Variants in GNAO1 observed in about 807,000 individuals in gnomAD.
The protein encoded by GNAO1 is guanine nucleotide-binding protein G(o) subunit alpha.
For missense variants in GNAO1, 166 were observed against 478.7 expected, an observed-to-expected ratio of 0.35 and a Z score of 6.10; for synonymous variants, 164 against 180.7, an observed-to-expected ratio of 0.91 and a Z score of 0.74.
intron 2 of GNAO1, among the ~76,000 whole-genome samples, chr16:56,198,378 C>T (rs1228567306): frequency 1.3e-5 from 2 of 152,198 alleles, no homozygotes; most frequent in Admixed American, 6.5e-5. Context: ...GTGATTAGCA[C>T]TGAGGGGAAG....
chr16:56,222,719 T>C (rs1596805866), intron 2 of GNAO1, among the ~76,000 whole-genome samples: 1 of 151,808 alleles, frequency 6.6e-6, no homozygotes, highest in Non-Finnish European at 1.5e-5. Flanking sequence ...AGAAATGGAG[T>C]GAGCCGAGGA....
chr16:56,236,020 T>A (rs1295175904), intron 2 of GNAO1, among the ~76,000 whole-genome samples: 2 of 152,194 alleles, frequency 1.3e-5, no homozygotes, highest in Non-Finnish European at 2.9e-5. Flanking sequence ...ATAGCCTATT[T>A]TGACTTGGAG....
chr16:56,342,964 T>C (rs2037820186), intron 6 of GNAO1, among the ~76,000 whole-genome samples: 1 of 149,970 alleles, frequency 6.7e-6, no homozygotes, highest in South Asian at 2.1e-4. Flanking sequence ...AATGCAAAAA[T>C]TAGTGGGGCG....
chr16:56,290,029 G>C (rs1358053797), intron 3 of GNAO1, among the ~76,000 whole-genome samples: 4 of 152,196 alleles, frequency 2.6e-5, no homozygotes, highest in Admixed American at 1.3e-4. Context: ...GATAAAGCCA[G>C]CCTTATCTCC....
At chr16:56,278,960 G>C (rs2037089541) in intron 3 of GNAO1, among the ~76,000 whole-genome samples, 1 of 152,146 alleles carries the variant, frequency 6.6e-6, no homozygotes, top group Non-Finnish European at 1.5e-5. Context: ...CCACCTAGGG[G>C]ATCTGCCATT....
At chr16:56,196,728 CTAGCT>C (rs1454622382) in intron 2 of GNAO1, among the ~76,000 whole-genome samples, 1 of 152,206 alleles carries the variant, frequency 6.6e-6, no homozygotes, top group Non-Finnish European at 1.5e-5. Flanking sequence ...GCATTGCATG[CTAGCT>C]GGTAGTCTTT....
chr16:56,256,718 CTGTGTGTGTGTGTG>C (rs199786327), intron 2 of GNAO1, among the ~76,000 whole-genome samples: 2,340 of 72,192 alleles, frequency 0.032, 78 homozygotes, highest in African/African-American at 0.081. Flanking sequence ...CTCTCTCTCT[CTGTGTGTGTGTGTG>C]TGTGTGTGTG....
Position 56,348,014 on chromosome 16 carries a change from C to T in GNAO1, c.724-3370C>T, listed in dbSNP as rs1039057269. 5.2e-5 allele frequency: 51 copies of T among 980,660 alleles called. No homozygotes were observed. In the African/African-American group the frequency reaches 7.4e-4, roughly 14 times the overall value. The allele number at this position is 980,660 out of a possible 1,614,324, so 60.7% of individuals were successfully genotyped here. A position where few individuals can be genotyped will look rare whatever the true frequency, so the allele number is the denominator to read the frequency against. ...CGTCCCAGGCCCTCCTTAGAAAAGCCGTCTCTCTCGAGTGCAGTGGTCCCA... is the reference window on the plus strand; with the variant it reads ...CGTCCCAGGCCCTCCTTAGAAAAGCTGTCTCTCTCGAGTGCAGTGGTCCCA... On this transcript the variant is annotated intron_variant, in intron 6 of 8. Coordinates refer to ENST00000262493, the MANE Select transcript of GNAO1 (RefSeq NM_020988.3).
intron 6 of GNAO1, among the ~76,000 whole-genome samples, chr16:56,350,775 G>T (rs11076152): frequency 0.036 from 5,474 of 152,116 alleles, 134 homozygotes; most frequent in Non-Finnish European, 0.054. Context: ...GGAAGGGCCC[G>T]GAGTCTCTCA....
intron 2 of GNAO1, among the ~76,000 whole-genome samples, chr16:56,238,765 T>C (rs1348660925): frequency 6.6e-6 from 1 of 152,240 alleles, no homozygotes; most frequent in Non-Finnish European, 1.5e-5. Flanking sequence ...TTCTCATAGA[T>C]AATGTAGGAT....
Position 56,256,972 on chromosome 16 carries a change from G to T in GNAO1, c.162-18959G>T, listed in dbSNP as rs2045923. Among the ~76,000 whole-genome samples the T allele has an allele frequency of 1.3e-3, 196 of 152,270 alleles. No homozygotes were observed. The East Asian group carries it at 0.023, about 18-fold the overall frequency. Reference sequence around the variant, plus strand: ...ACAGTGTTTGAGAATGTTGAATCCCGTGGTGGGAAAGTTGTTTGTTCAGTT... The same window carrying T: ...ACAGTGTTTGAGAATGTTGAATCCCTTGGTGGGAAAGTTGTTTGTTCAGTT... On this transcript the variant is annotated intron_variant, in intron 2 of 8. Transcript: ENST00000262493.
chr16:56,206,534 G>A (rs2036330764), intron 2 of GNAO1, among the ~76,000 whole-genome samples: 1 of 152,090 alleles, frequency 6.6e-6, no homozygotes, highest in East Asian at 1.9e-4. Flanking sequence ...AATTGGGTGT[G>A]GATGGAGCTT....
At chr16:56,298,784 G>A (rs566722099) in intron 3 of GNAO1, among the ~76,000 whole-genome samples, 13 of 151,982 alleles carry the variant, frequency 8.6e-5, no homozygotes, top group Admixed American at 5.9e-4. Context: ...GCATGGTGGC[G>A]GGCACCTGTA....
At chr16:56,320,378 T>C (rs1200729030) in intron 3 of GNAO1, among the ~76,000 whole-genome samples, 1 of 152,164 alleles carries the variant, frequency 6.6e-6, no homozygotes, top group South Asian at 2.1e-4. Context: ...TGCCCTCCGT[T>C]TGCTCACACA....
At chr16:56,260,498 C>G (rs1166757398) in intron 2 of GNAO1, among the ~76,000 whole-genome samples, 1 of 152,160 alleles carries the variant, frequency 6.6e-6, no homozygotes, top group East Asian at 1.9e-4. Flanking sequence ...GCTGAGCATA[C>G]CTGCCCTCCT....
intron 3 of GNAO1, among the ~76,000 whole-genome samples, chr16:56,280,729 G>GTGA (rs2037106163): frequency 6.6e-6 from 1 of 152,164 alleles, no homozygotes; most frequent in African/African-American, 2.4e-5. Context: ...CAGGGGCCTG[G>GTGA]TGATTAATTG....
In GNAO1 at chr16:56,191,641, C is replaced by T. The variant is rs1173706806; in HGVS notation, c.-595C>T. 6.4e-6 allele frequency: 1 copy of T among 155,960 alleles called. No individual in the cohort carries two copies. The highest frequency in any genetic ancestry group is 1.4e-5 in the Non-Finnish European group (1 of 70,460). 9.7% of individuals were successfully genotyped at this position (155,960 alleles called of 1,614,324 possible). On this transcript the variant is annotated 5_prime_UTR_variant, in exon 1 of 9. Coordinates refer to ENST00000262493, the MANE Select transcript of GNAO1 (RefSeq NM_020988.3). This position sits in a 1 kb window ranked among gnomAD's most constrained non-coding sequence, Gnocchi z 4.7. ...CCCTCGGCCCGGCCCCCTGCCCAAC[C>T]CTGCCCAGCGCGCGGGGGTCGGCGA...
chr16:56,207,012 C>T (rs1451514847), intron 2 of GNAO1, among the ~76,000 whole-genome samples: 4 of 152,192 alleles, frequency 2.6e-5, no homozygotes, highest in Non-Finnish European at 5.9e-5. Flanking sequence ...TTGTATGTGC[C>T]CATGGGAGAT....
intron 2 of GNAO1, among the ~76,000 whole-genome samples, chr16:56,238,210 A>G (rs2036659717): frequency 6.7e-6 from 1 of 150,248 alleles, no homozygotes; most frequent in African/African-American, 2.4e-5. Context: ...ACGTGGGACC[A>G]AGAGGATCAG....
Sources: allele counts gnomAD v4.1 joint callset (sites outside exome capture counted in the v4.1 genomes callset), GRCh38; gene constraint gnomAD v4.1.1; non-coding constraint Gnocchi (gnomAD v3.1); transcripts MANE v1.5; gene names NCBI Gene and HGNC (gene_info 2026-07-23, HGNC 2026-07-21).